The following NEXN variants were observed in gnomAD, a reference collection of about 807,000 sequenced individuals.
The protein encoded by NEXN is nexilin F-actin binding protein.
NEXN carries 65 observed loss-of-function variants against 92.6 expected under a neutral mutation model. That is an observed-to-expected ratio of 0.70 (90% CI 0.57 to 0.86). The LOEUF is 0.86. Ranked by LOEUF, NEXN falls within the 40% of genes least tolerant of loss-of-function variation. The pLI is 0.00. For missense variants in NEXN, 778 were observed against 771.1 expected (o/e 1.01, Z -0.11); for synonymous variants, 254 against 242.5 (o/e 1.05, Z -0.44).
At chr1:77,934,521 T>C (rs1650588542) in intron 10 of NEXN, among the ~76,000 whole-genome samples, 2 of 152,368 alleles carry the variant, frequency 1.3e-5, no homozygotes, top group South Asian at 2.1e-4. Flanking sequence ...CGATGAAGCA[T>C]GCCCTATATA....
chr1:77,917,508 C>A, intron 2 of NEXN, 58 bp from the exon 3 acceptor site: 1 of 1,227,026 alleles, frequency 8.1e-7, no homozygotes, highest in East Asian at 2.4e-5. Flanking sequence ...TCTATCTTTA[C>A]CTAATTTCTT....
At chr1:77,927,480 C>T (rs945495310) in intron 8 of NEXN, among the ~76,000 whole-genome samples, 11 of 152,080 alleles carry the variant, frequency 7.2e-5, no homozygotes, top group Non-Finnish European at 1.3e-4. Flanking sequence ...AACTTGTCCT[C>T]AGCAGTCCAG....
intron 11 of NEXN, among the ~76,000 whole-genome samples, chr1:77,941,511 C>A (rs984046966): frequency 6.6e-6 from 1 of 152,034 alleles, no homozygotes; most frequent in Non-Finnish European, 1.5e-5. Flanking sequence ...GTTGTCTCTA[C>A]CTGTTTTTCT....
intron 1 of NEXN, among the ~76,000 whole-genome samples, chr1:77,893,039 T>A (rs1647144456): frequency 2.0e-5 from 3 of 152,004 alleles, no homozygotes; most frequent in Non-Finnish European, 2.9e-5. Context: ...GCTGATTTTT[T>A]AATTTTTTGT....
intron 1 of NEXN, among the ~76,000 whole-genome samples, chr1:77,901,542 A>G (rs1220393623): frequency 1.3e-5 from 2 of 152,080 alleles, no homozygotes; most frequent in Non-Finnish European, 2.9e-5. Flanking sequence ...TTTCTCTCTC[A>G]TCTTATTCTT....
chr1:77,900,240 T>C (rs1285660000), intron 1 of NEXN, among the ~76,000 whole-genome samples: 1 of 152,206 alleles, frequency 6.6e-6, no homozygotes, highest in African/African-American at 2.4e-5. Context: ...GCCTTTACAA[T>C]CTTTTCCACT....
chr1:77,933,434 A>C lies in NEXN; in HGVS notation c.1206A>C (p.Glu402Asp), dbSNP rs1446015584. ...RTEEERKHKLEMEKQEFEQLR... is the reference protein window; with the variant it reads ...RTEEERKHKLDMEKQEFEQLR... ...AGGAGGAACGGAAGCATAAGCTAGAAATGGAGAAACAAGAATTTGAACAAC... is the reference window on the plus strand; with the variant it reads ...AGGAGGAACGGAAGCATAAGCTAGACATGGAGAAACAAGAATTTGAACAAC... Residue 402 changes from glutamate to aspartate, a missense_variant, in exon 10 of 13, where the codon GAA becomes GAC. Physicochemically the swap from Glu to Asp is conservative, Grantham distance 45 (BLOSUM62 2). Transcript: ENST00000334785. 6.2e-7 allele frequency: 1 copy of C among 1,613,620 alleles called. No homozygotes were observed. Among genetic ancestry groups the C allele is most frequent in the Non-Finnish European group, 8.5e-7 (1 of 1,179,686 alleles).
chr1:77,903,291 A>AT (rs201610055), intron 1 of NEXN, among the ~76,000 whole-genome samples: 1,546 of 151,808 alleles, frequency 0.01, 10 homozygotes, highest in Non-Finnish European at 0.014. Flanking sequence ...TTTAAAACCT[A>AT]TTTTTTTTAC....
chr1:77,905,211 G>A (rs1356896741), intron 1 of NEXN, among the ~76,000 whole-genome samples: 1 of 151,350 alleles, frequency 6.6e-6, no homozygotes, highest in African/African-American at 2.4e-5. Flanking sequence ...GCAGTGAGCA[G>A]AGATTGCGCC....
intron 1 of NEXN, among the ~76,000 whole-genome samples, chr1:77,898,415 A>T (rs1647409447): frequency 6.6e-6 from 1 of 152,346 alleles, no homozygotes; most frequent in East Asian, 1.9e-4. Context: ...TGGGGAAAGG[A>T]TTCCCTATTT....
Position 77,918,166 on chromosome 1 carries a change from CAA to C in NEXN, c.341_342del (p.Gln114ArgfsTer16), listed in dbSNP as rs397517857. 8 of 1,613,304 alleles carry C rather than the reference CAA, an allele frequency of 5.0e-6. No individual in the cohort carries two copies. The highest frequency in any genetic ancestry group is 2.2e-5 in the East Asian group (1 of 44,830). On this transcript the variant is annotated frameshift_variant, in exon 5 of 13. Transcript: ENST00000334785. LOFTEE classifies it high-confidence loss of function. ...GRFAEMEKQR[Q>X]EEQRKRTEEE... ...ATTTGCTGAAATGGAGAAACAAAGACAAGAGGAACAAAGGAAGAGAACGGAGG... is the reference window on the plus strand; with the variant it reads ...ATTTGCTGAAATGGAGAAACAAAGACGAGGAACAAAGGAAGAGAACGGAGG...
At chr1:77,903,052 C>T (rs914896896) in intron 1 of NEXN, among the ~76,000 whole-genome samples, 1 of 151,878 alleles carries the variant, frequency 6.6e-6, no homozygotes, top group African/African-American at 2.4e-5. Flanking sequence ...GCCTGTCAAG[C>T]CCAGGTGAGA....
chr1:77,938,415 C>T (rs1168388371), intron 11 of NEXN, among the ~76,000 whole-genome samples: 1 of 152,026 alleles, frequency 6.6e-6, no homozygotes, highest in Non-Finnish European at 1.5e-5. Flanking sequence ...CTTTGGGAGG[C>T]CGAGGCGGGC....
chr1:77,895,022 T>C (rs1647195013), intron 1 of NEXN, among the ~76,000 whole-genome samples: 1 of 140,422 alleles, frequency 7.1e-6, no homozygotes, highest in Non-Finnish European at 1.5e-5. Flanking sequence ...GGCCAGCCTA[T>C]AGTGTAATTT....
intron 5 of NEXN, among the ~76,000 whole-genome samples, chr1:77,922,797 A>G (rs1649535019): frequency 6.7e-6 from 1 of 148,530 alleles, no homozygotes; most frequent in Admixed American, 6.7e-5. Flanking sequence ...GGGTTTCACC[A>G]TGTTAGCCAG....
At chr1:77,911,154 T>A (rs1648547240) in intron 1 of NEXN, among the ~76,000 whole-genome samples, 1 of 152,138 alleles carries the variant, frequency 6.6e-6, no homozygotes, top group African/African-American at 2.4e-5. Context: ...AAATTATACT[T>A]CTGTATGCAG....
At chr1:77,899,144 C>T (rs1274907330) in intron 1 of NEXN, among the ~76,000 whole-genome samples, 7 of 152,122 alleles carry the variant, frequency 4.6e-5, no homozygotes, top group Non-Finnish European at 1.0e-4. Flanking sequence ...TTGACCCAGC[C>T]ATCCCATTAC....
chr1:77,904,048 A>G (rs1258152359), intron 1 of NEXN, among the ~76,000 whole-genome samples: 1 of 152,136 alleles, frequency 6.6e-6, no homozygotes, highest in African/African-American at 2.4e-5. Context: ...GCTGGAATGC[A>G]GTGGTGCAAT....
intron 5 of NEXN, among the ~76,000 whole-genome samples, chr1:77,921,242 T>C (rs72685349): frequency 0.027 from 4,131 of 152,194 alleles, 98 homozygotes; most frequent in South Asian, 0.11. Context: ...TCCCAGCTAC[T>C]TGGGAGGCTA....
Sources: allele counts gnomAD v4.1 joint callset (sites outside exome capture counted in the v4.1 genomes callset), GRCh38; gene constraint gnomAD v4.1.1; transcripts MANE v1.5; gene names NCBI Gene and HGNC (gene_info 2026-07-23, HGNC 2026-07-21).